Variants in NDUFAF7 observed in about 807,000 individuals in gnomAD.
The protein encoded by NDUFAF7 is protein arginine methyltransferase NDUFAF7, mitochondrial.
In NDUFAF7, 48 loss-of-function variants were observed where a neutral mutation model predicts 47.2. The ratio of observed to expected loss-of-function variants is 1.02; its 90% CI spans 0.81 to 1.29. The LOEUF (loss-of-function observed/expected upper bound fraction) is 1.29, where lower values mean the gene tolerates loss of function less well. NDUFAF7 is among the 50% of genes most tolerant of loss of function. The probability of loss-of-function intolerance (pLI) is 0.00; values close to 1 mark genes in which losing one functional copy is unlikely to be tolerated. For missense variants in NDUFAF7, 635 were observed against 537.6 expected, an observed-to-expected ratio of 1.18 and a Z score of -1.79; for synonymous variants, 217 against 190.0, an observed-to-expected ratio of 1.14 and a Z score of -1.17.
At chr2:37,249,853 C>T (rs1667337672), downstream of NDUFAF7, among the ~76,000 whole-genome samples, 1 of 151,938 alleles carries the variant, frequency 6.6e-6, no homozygotes, top group South Asian at 2.1e-4. Flanking sequence ...CCCTTGATGT[C>T]TTGAATTTAC....
chr2:37,242,830 CAAAT>C (rs1026206237), intron 6 of NDUFAF7, 137 bp downstream of exon 6: 15 of 628,360 alleles, frequency 2.4e-5, no homozygotes, highest in Non-Finnish European at 3.8e-5. Flanking sequence ...TTTTGGTACA[CAAAT>C]AATTCAAAAG....
intron 8 of NDUFAF7, 133 bp downstream of exon 8, chr2:37,246,328 T>C (rs1666897480): frequency 2.0e-5 from 21 of 1,074,974 alleles, no homozygotes; most frequent in South Asian, 1.5e-4. Flanking sequence ...ATTCATGTTA[T>C]TGTAATTCCC....
At chr2:37,238,294 G>A (rs1002031745) in intron 4 of NDUFAF7, among the ~76,000 whole-genome samples, 17 of 152,060 alleles carry the variant, frequency 1.1e-4, no homozygotes, top group Admixed American at 9.8e-4. Flanking sequence ...GCTGGGCATG[G>A]TGGTGTGCAT....
At chr2:37,252,753 TG>T (rs1298941929), downstream of NDUFAF7, 1 of 151,708 alleles carries the variant, frequency 6.6e-6, no homozygotes, top group East Asian at 1.9e-4. Context: ...TAATCAATCT[TG>T]TAAGTCTTGT....
intron 4 of NDUFAF7, among the ~76,000 whole-genome samples, chr2:37,238,411 A>G (rs1256990489): frequency 1.3e-5 from 2 of 151,780 alleles, no homozygotes; most frequent in African/African-American, 4.8e-5. Context: ...AGATTGCGCC[A>G]TTGCACTCCA....
At chr2:37,267,289 G>A in the NDUFAF7 span, 1 of 504,046 alleles carries the variant, frequency 2.0e-6, no homozygotes, top group East Asian at 3.3e-5. Flanking sequence ...CTACCATAAA[G>A]CAAGATATTG....
chr2:37,237,723 C>A, intron 3 of NDUFAF7, 34 bp from the exon 4 acceptor site: 1 of 1,435,786 alleles, frequency 7.0e-7, no homozygotes, highest in South Asian at 1.2e-5. Context: ...CTTTATAATA[C>A]TTTAATATGT....
At chr2:37,265,990 G>A in the NDUFAF7 span, among the ~76,000 whole-genome samples, 648 of 152,146 alleles carry the variant, frequency 4.3e-3, 10 homozygotes, top group Middle Eastern at 0.014. Context: ...CTTACTAGTT[G>A]GACAATGAGG....
chr2:37,247,436 C>T lies in NDUFAF7; in HGVS notation c.937-20C>T. 1 of 1,613,770 alleles carries T rather than the reference C, an allele frequency of 6.2e-7. No homozygotes were observed. Among genetic ancestry groups the T allele is most frequent in the Non-Finnish European group, 8.5e-7 (1 of 1,179,802 alleles). On this transcript the variant is annotated intron_variant, in intron 8 of 9. Coordinates refer to ENST00000002125, the MANE Select transcript of NDUFAF7 (RefSeq NM_144736.5). ...TTAATAACCATAAAAGGGCAAAAAT[C>T]TGATTTCTTTATGTTCAAGGGGTTT...
rs1169018221 is a variant in NDUFAF7 at position 37,240,590 on chromosome 2, A to G, written c.409-988A>G. 5.3e-5 allele frequency among the ~76,000 whole-genome samples: 8 copies of G among 152,272 alleles called. No individual in the cohort carries two copies. In the South Asian group the frequency reaches 8.3e-4, roughly 16 times the overall value. On this transcript the variant is annotated intron_variant, in intron 4 of 9. Transcript: ENST00000002125. ...AACAAAATCACGAATTTAAATTTCCAGGGCTCTATTTTATGTTTTTCAGCA... is the reference window on the plus strand; with the variant it reads ...AACAAAATCACGAATTTAAATTTCCGGGGCTCTATTTTATGTTTTTCAGCA...
At position 37,247,519 on chromosome 2, in the gene NDUFAF7, G is replaced by A. The variant is rs1667056599; in HGVS notation, c.1000G>A (p.Asp334Asn). Reference sequence around the variant, plus strand: ...CCCAGGAACAGCAGATCTAACAGCTGATGTGGACTTCAGTTATTTGCGAAG... The same window carrying A: ...CCCAGGAACAGCAGATCTAACAGCTAATGTGGACTTCAGTTATTTGCGAAG... ...IAPGTADLTA[D>N]VDFSYLRRMA... is the part of the protein sequence containing the mutation. Residue 334 changes from aspartate (D) to asparagine (N), a missense_variant, in exon 9 of 10, where the codon GAT (aspartate) becomes AAT (asparagine). Transcript: ENST00000002125. The A allele has an allele frequency of 9.9e-6, 16 of 1,614,094 alleles. No individual in the cohort carries two copies. Among genetic ancestry groups the A allele is most frequent in the Non-Finnish European group, 1.4e-5 (16 of 1,179,988 alleles).
chr2:37,259,067 C>CA, the NDUFAF7 span, among the ~76,000 whole-genome samples: 3 of 150,462 alleles, frequency 2.0e-5, no homozygotes, highest in Admixed American at 2.0e-4. Flanking sequence ...AAAAAAAACT[C>CA]AACTGAATTA....
chr2:37,236,254 T>A, intron 3 of NDUFAF7, 78 bp downstream of exon 3: 1 of 1,225,650 alleles, frequency 8.2e-7, no homozygotes, highest in Non-Finnish European at 1.2e-6. Context: ...TCTGTAGTAG[T>A]GTTCTACAGC....
chr2:37,252,834 C>T (rs1281902336), downstream of NDUFAF7: 4 of 100,544 alleles, frequency 4.0e-5, no homozygotes, highest in Admixed American at 2.6e-4. Flanking sequence ...AACAAACAAA[C>T]ATATATTTAT....
At chr2:37,267,488 T>A in the NDUFAF7 span, 1 of 1,611,762 alleles carries the variant, frequency 6.2e-7, no homozygotes, top group Admixed American at 1.7e-5. Context: ...GAATCTCATC[T>A]TATCAATTAC....
chr2:37,267,383 T>C, the NDUFAF7 span: 1 of 1,322,158 alleles, frequency 7.6e-7, no homozygotes. Flanking sequence ...TAATTCAGAT[T>C]CTTACCAGCC....
chr2:37,231,931 C>T (rs879403451), intron 1 of NDUFAF7, 171 bp downstream of exon 1: 12 of 1,595,152 alleles, frequency 7.5e-6, no homozygotes, highest in Non-Finnish European at 9.4e-6. Context: ...GCTGCGTAGT[C>T]GTGGGCAAGT....
Position 37,244,912 on chromosome 2 carries a change from C to G in NDUFAF7, c.792+939C>G, listed in dbSNP as rs143653236. ...TTTAGTTCTTGACCTAATTAGTATT[C>G]ACTTAGGAAGGGAGGGAGCGAATAT... On this transcript the variant is annotated intron_variant, in intron 7 of 9. Transcript: ENST00000002125. Among the ~76,000 whole-genome samples the G allele has an allele frequency of 1.9e-3, 279 of 149,914 alleles. 1 individual carries two copies. Among genetic ancestry groups the G allele is most frequent in the African/African-American group, 6.8e-3 (274 of 40,308 alleles).
chr2:37,248,791 G>C lies in NDUFAF7; in HGVS notation c.*441G>C, dbSNP rs1320125025. The C allele has an allele frequency of 4.7e-6, 1 of 214,758 alleles. No homozygotes were observed. The highest frequency in any genetic ancestry group is 9.5e-6 in the Non-Finnish European group (1 of 105,560). 13.3% of individuals were successfully genotyped at this position (214,758 alleles called of 1,614,324 possible). A position where few individuals can be genotyped will look rare whatever the true frequency, so the allele number is the denominator to read the frequency against. Reference sequence around the variant, plus strand: ...TAGCCGGGTATGGTGGTACATGCCTGTAATCCCAGCTACTCAGGAGGCTGA... The same window carrying C: ...TAGCCGGGTATGGTGGTACATGCCTCTAATCCCAGCTACTCAGGAGGCTGA... On this transcript the variant is annotated 3_prime_UTR_variant, in exon 10 of 10. Coordinates refer to ENST00000002125, the MANE Select transcript of NDUFAF7 (RefSeq NM_144736.5).
Sources: allele counts gnomAD v4.1 joint callset (sites outside exome capture counted in the v4.1 genomes callset), GRCh38; gene constraint gnomAD v4.1.1; transcripts MANE v1.5; gene names NCBI Gene and HGNC (gene_info 2026-07-23, HGNC 2026-07-21).